Variants in RHBDL2 observed in about 807,000 individuals in gnomAD.
The protein encoded by RHBDL2 is rhomboid like 2.
Under a neutral mutation model 31.7 loss-of-function variants are expected in RHBDL2, and 26 were observed. The ratio of observed to expected loss-of-function variants is 0.82; its 90% confidence interval spans 0.60 to 1.14. RHBDL2 has a LOEUF of 1.14. RHBDL2 is among the 50% of genes most tolerant of loss of function. The probability of loss-of-function intolerance (pLI) is 0.00; values close to 1 mark genes in which losing one functional copy is unlikely to be tolerated. For synonymous variants in RHBDL2, 123 were observed against 127.2 expected (o/e 0.97, Z 0.22); for missense variants, 336 against 364.4 (o/e 0.92, Z 0.63).
intron 1 of RHBDL2, among the ~76,000 whole-genome samples, chr1:38,933,609 C>G (rs1183009629): frequency 6.6e-6 from 1 of 152,148 alleles, no homozygotes. Flanking sequence ...TGCTCCAATT[C>G]TGCCCCTGCT....
At chr1:38,899,158 A>T (rs1343393301) in intron 4 of RHBDL2, among the ~76,000 whole-genome samples, 1 of 152,184 alleles carries the variant, frequency 6.6e-6, no homozygotes, top group Admixed American at 6.5e-5. Flanking sequence ...CTCAATACAG[A>T]ATTTTTAACT....
intron 1 of RHBDL2, among the ~76,000 whole-genome samples, chr1:38,936,124 A>ATT (rs1557625434): frequency 6.6e-6 from 1 of 152,128 alleles, no homozygotes. Flanking sequence ...GCTGGATTCA[A>ATT]ACTCCTGGGC....
chr1:38,891,230 C>T (rs1642849818), intron 6 of RHBDL2, among the ~76,000 whole-genome samples: 1 of 131,020 alleles, frequency 7.6e-6, no homozygotes, highest in African/African-American at 2.9e-5. Flanking sequence ...CACTACACTC[C>T]AGCCTGGGCA....
Position 38,919,291 on chromosome 1 carries a change from C to A in RHBDL2, c.-79G>T, listed in dbSNP as rs769313576. ...GTGGCCCTAGGTCCTCAGGCTGCCG[C>A]TCTTCCCTGGGCTGTCTGGCGCAAC... On this transcript the variant is annotated 5_prime_UTR_variant, in exon 2 of 8. Transcript: ENST00000372990. 1.6e-5 allele frequency: 25 copies of A among 1,610,700 alleles called. No homozygotes were observed. The highest frequency in any genetic ancestry group is 2.1e-5 in the Non-Finnish European group (25 of 1,179,824).
At chr1:38,888,955 TAA>T (rs1642819758) in intron 6 of RHBDL2, among the ~76,000 whole-genome samples, 1 of 152,130 alleles carries the variant, frequency 6.6e-6, no homozygotes, top group South Asian at 2.1e-4. Context: ...GAGTTAGGGA[TAA>T]GGTTGTGGGT....
intron 3 of RHBDL2, among the ~76,000 whole-genome samples, chr1:38,914,095 G>A (rs182149415): frequency 2.1e-3 from 315 of 150,542 alleles, no homozygotes; most frequent in African/African-American, 7.2e-3. Flanking sequence ...CCAGCCTGGC[G>A]ATAGAGCTAG....
intron 2 of RHBDL2, 87 bp from the exon 3 acceptor site, chr1:38,915,797 T>C (rs1457572764): frequency 2.3e-6 from 3 of 1,295,414 alleles, no homozygotes; most frequent in South Asian, 1.2e-5. Flanking sequence ...CTGTTTCAGA[T>C]GATTCAGCTC....
chr1:38,936,816 T>A (rs1447644148), intron 1 of RHBDL2, among the ~76,000 whole-genome samples: 1 of 152,114 alleles, frequency 6.6e-6, no homozygotes, highest in African/African-American at 2.4e-5. Context: ...GTATTTTTAG[T>A]AGAGACGAGG....
intron 1 of RHBDL2, among the ~76,000 whole-genome samples, chr1:38,936,434 GAGT>G (rs1384901728): frequency 2.0e-5 from 3 of 150,844 alleles, no homozygotes; most frequent in African/African-American, 7.3e-5. Context: ...TCAGCCTCCT[GAGT>G]AGCTGGGATT....
intron 1 of RHBDL2, among the ~76,000 whole-genome samples, chr1:38,928,141 CTTTT>C (rs1209464598): frequency 3.1e-5 from 4 of 130,372 alleles, no homozygotes; most frequent in Admixed American, 7.9e-5. Flanking sequence ...TTTTTTCTTT[CTTTT>C]TTTTTTTTTT....
chr1:38,924,150 G>C (rs1368339311), intron 1 of RHBDL2, among the ~76,000 whole-genome samples: 1 of 151,468 alleles, frequency 6.6e-6, no homozygotes, highest in African/African-American at 2.4e-5. Flanking sequence ...TCCCCATGTT[G>C]TCCAGGCTAG....
At chr1:38,938,227 G>A (rs1414503268) in intron 1 of RHBDL2, among the ~76,000 whole-genome samples, 1 of 151,856 alleles carries the variant, frequency 6.6e-6, no homozygotes. Context: ...ATATTGGTCA[G>A]GCTGGTCTCG....
chr1:38,895,542 G>T (rs1361008443), intron 5 of RHBDL2, among the ~76,000 whole-genome samples: 1 of 152,172 alleles, frequency 6.6e-6, no homozygotes, highest in Non-Finnish European at 1.5e-5. Flanking sequence ...GGCAGCTCAC[G>T]CCTGTAATCC....
At chr1:38,893,050 C>G (rs1642873892) in intron 6 of RHBDL2, 114 bp downstream of exon 6, 1 of 602,234 alleles carries the variant, frequency 1.7e-6, no homozygotes, top group South Asian at 2.5e-5. Flanking sequence ...CCTCCCAGGT[C>G]TGTGTGTATG....
In RHBDL2 at chr1:38,929,451, A is replaced by G. The variant is rs187257907; in HGVS notation, c.-125-10114T>C. 6.2e-6 allele frequency: 8 copies of G among 1,289,056 alleles called. No homozygotes were observed. The African/African-American group carries it at 9.1e-5, about 15-fold the overall frequency. 79.9% of individuals were successfully genotyped at this position (1,289,056 alleles called of 1,614,324 possible). ...TGGCAAGGCCAACACCCTTATGACA[A>G]CTCCTTTTCCATGGCAGACACTTTT... On this transcript the variant is annotated intron_variant, in intron 1 of 7. Coordinates refer to ENST00000372990, the MANE Select transcript of RHBDL2 (RefSeq NM_017821.5).
At chr1:38,896,616 C>G (rs1271897612) in intron 4 of RHBDL2, among the ~76,000 whole-genome samples, 1 of 152,280 alleles carries the variant, frequency 6.6e-6, no homozygotes, top group South Asian at 2.1e-4. Flanking sequence ...ATACCTGAGA[C>G]AATCCAACAT....
chr1:38,912,246 A>C (rs765107102), intron 3 of RHBDL2, among the ~76,000 whole-genome samples: 107 of 152,188 alleles, frequency 7.0e-4, no homozygotes, highest in Non-Finnish European at 1.3e-3. Flanking sequence ...CTGGGATTAC[A>C]GTAGTGAGCC....
intron 5 of RHBDL2, 51 bp downstream of exon 5, chr1:38,895,918 T>G (rs1642913001): frequency 8.6e-7 from 1 of 1,168,146 alleles, no homozygotes; most frequent in South Asian, 1.3e-5. Context: ...GAAGAGTTAC[T>G]GTTTTCTGTT....
intron 5 of RHBDL2, among the ~76,000 whole-genome samples, chr1:38,894,434 T>C (rs1001288448): frequency 2.0e-5 from 3 of 152,104 alleles, no homozygotes; most frequent in Non-Finnish European, 4.4e-5. Context: ...GCGATTCTCC[T>C]GCCTCAGCCT....
Sources: gnomAD v4.1 joint callset for allele counts (sites outside exome capture counted in the v4.1 genomes callset) on GRCh38, gnomAD v4.1.1 for gene constraint, MANE v1.5 for transcripts, NCBI Gene and HGNC (gene_info 2026-07-23, HGNC 2026-07-21) for gene names.